The following NHS variants were observed in gnomAD, a reference collection of about 807,000 sequenced individuals.
NHS encodes actin remodeling regulator NHS.
NHS carries 5 observed loss-of-function variants against 72.5 expected under a neutral mutation model. The ratio of observed to expected loss-of-function variants is 0.07; its 90% CI spans 0.04 to 0.14. The LOEUF (loss-of-function observed/expected upper bound fraction) is 0.14. Among genes scored for constraint, NHS ranks in the 10% least tolerant of loss-of-function variants. NHS has a pLI of 1.00. For missense variants in NHS, 1,072 were observed against 1,355.7 expected (o/e 0.79, Z 3.29); for synonymous variants, 464 against 547.7 (o/e 0.85, Z 2.13).
In NHS at chrX:17,569,502, T is replaced by G. The variant is rs2065464062; in HGVS notation, c.566-118240T>G. ...TGTCTGTTCATATCCTTTGCCCATT[T>G]TTTGATGGGGTTGTTTGCTTTTTTC... On this transcript the variant is annotated intron_variant, in intron 1 of 8. Coordinates refer to ENST00000676302, the MANE Select transcript of NHS (RefSeq NM_001291867.2). 3.6e-5 allele frequency among the ~76,000 whole-genome samples: 4 copies of G among 111,984 alleles called. No homozygotes were observed. The South Asian group carries it at 1.5e-3, about 42-fold the overall frequency.
chrX:17,673,476 G>A lies in NHS; in HGVS notation c.566-14266G>A, dbSNP rs4825285. ...TTCCAGTCCTGCCTCTATGGCCCTC[G>A]AGCAAGCAACTTAACCTTTCTGTGC... is the stretch of plus-strand genomic sequence containing the variant. On this transcript the variant is annotated intron_variant, in intron 1 of 8. Coordinates refer to ENST00000676302, the MANE Select transcript of NHS (RefSeq NM_001291867.2). 7.1e-3 allele frequency among the ~76,000 whole-genome samples: 787 copies of A among 111,384 alleles called. 23 individuals carry two copies. Among genetic ancestry groups the A allele is most frequent in the Admixed American group, 0.062 (655 of 10,485 alleles).
intron 1 of NHS, among the ~76,000 whole-genome samples, chrX:17,496,042 A>C (rs889856072): frequency 1.8e-5 from 2 of 111,040 alleles, no homozygotes; most frequent in Admixed American, 1.9e-4. Flanking sequence ...CATGGTCTCT[A>C]AGAGGGAAGG....
Position 17,598,269 on chromosome X carries a change from T to C in NHS, c.566-89473T>C, listed in dbSNP as rs770677422. On this transcript the variant is annotated intron_variant, in intron 1 of 8. Coordinates refer to ENST00000676302, the MANE Select transcript of NHS (RefSeq NM_001291867.2). ...CCTCTGGACCAATGCCCGGAGCCTG[T>C]TGGGAGTCCAGACTCCAAGTCAAGA... 3.6e-5 allele frequency among the ~76,000 whole-genome samples: 4 copies of C among 111,996 alleles called. No homozygotes were observed. In the South Asian group the frequency reaches 1.5e-3, roughly 42 times the overall value.
chrX:17,662,968 C>G (rs986397298), intron 1 of NHS, among the ~76,000 whole-genome samples: 5 of 111,623 alleles, frequency 4.5e-5, no homozygotes, highest in Admixed American at 2.8e-4. Flanking sequence ...GGTGTTGACT[C>G]CCAGGAAAAT....
chrX:17,502,269 T>C (rs1187761382), intron 1 of NHS, among the ~76,000 whole-genome samples: 1 of 111,290 alleles, frequency 9.0e-6, no homozygotes, highest in Admixed American at 9.5e-5. Flanking sequence ...GGCAGTTCAT[T>C]GACTCTGCCC....
Position 17,728,738 on chromosome X carries a change from C to T in NHS, c.4312C>T (p.Pro1438Ser). The T allele has an allele frequency of 2.5e-6, 3 of 1,211,326 alleles. No homozygotes were observed. Among genetic ancestry groups the T allele is most frequent in the Non-Finnish European group, 3.4e-6 (3 of 895,329 alleles). The change falls in exon 8 of 9, where the codon CCT becomes TCT. Residue 1438 changes from proline (P) to serine (S), a missense_variant. By Grantham distance (74) the Pro-to-Ser change is moderately conservative. Coordinates refer to ENST00000676302, the MANE Select transcript of NHS (RefSeq NM_001291867.2). The stretch of plus-strand genomic sequence containing the variant: ...GGGTGTGTTCGTGTCTCCAAACAAA[C>T]CTCGAACAACTGAGGATTTATTTGC... Reference protein sequence around the residue: ...AEGVFVSPNKPRTTEDLFAVI... With the variant: ...AEGVFVSPNKSRTTEDLFAVI...
chrX:17,427,668 G>A (rs1178522979), intron 1 of NHS, among the ~76,000 whole-genome samples: 2 of 112,449 alleles, frequency 1.8e-5, no homozygotes, highest in Non-Finnish European at 3.7e-5. Flanking sequence ...CAAAGCAGAA[G>A]TACAGTTCTG....
intron 1 of NHS, among the ~76,000 whole-genome samples, chrX:17,428,155 A>C (rs1196741980): frequency 8.9e-6 from 1 of 112,554 alleles, no homozygotes; most frequent in Admixed American, 9.4e-5. Context: ...ACCTAACTGC[A>C]AAGTCATTTC....
At chrX:17,644,519 CT>C (rs2065896934) in intron 1 of NHS, among the ~76,000 whole-genome samples, 2 of 111,263 alleles carry the variant, frequency 1.8e-5, no homozygotes, top group African/African-American at 3.3e-5. Flanking sequence ...AGATATCTCC[CT>C]TTCCATAGCC....
chrX:17,617,632 G>A (rs892283089), intron 1 of NHS, among the ~76,000 whole-genome samples: 2 of 111,987 alleles, frequency 1.8e-5, no homozygotes, highest in Non-Finnish European at 3.8e-5. Context: ...AACTGTGAAA[G>A]CACTCGGTAT....
At position 17,724,029 on chromosome X, in the gene NHS, A is replaced by G. The variant is rs1297697480; in HGVS notation, c.1109-270A>G. Among the ~76,000 whole-genome samples, 5 of 111,200 alleles carry G rather than the reference A, an allele frequency of 4.5e-5. No homozygotes were observed. The South Asian group carries it at 1.5e-3, about 34-fold the overall frequency. On this transcript the variant is annotated intron_variant, in intron 5 of 8. Coordinates refer to ENST00000676302, the MANE Select transcript of NHS (RefSeq NM_001291867.2). ...TTTCTATGTGAGAGGGATTTTTTGG[A>G]TGTCTTTTTCTCTTCTCTTTCTTTT... is the stretch of plus-strand genomic sequence containing the variant.
chrX:17,599,551 C>T (rs374519186), intron 1 of NHS, among the ~76,000 whole-genome samples: 2 of 110,611 alleles, frequency 1.8e-5, no homozygotes, highest in African/African-American at 6.6e-5. Flanking sequence ...TAACATCTTA[C>T]ATTAGTATGG....
chrX:17,688,531 G>T (rs889515524), intron 2 of NHS, among the ~76,000 whole-genome samples: 2 of 111,421 alleles, frequency 1.8e-5, no homozygotes, highest in Non-Finnish European at 3.8e-5. Context: ...CCCCTAGAGG[G>T]CTCTTCTGCT....
intron 1 of NHS, among the ~76,000 whole-genome samples, chrX:17,380,270 A>G (rs954774784): frequency 9.0e-6 from 1 of 111,338 alleles, no homozygotes; most frequent in Non-Finnish European, 1.9e-5. Context: ...GTAATTAATT[A>G]GTGGCCTTGA....
chrX:17,588,384 G>A (rs1231994390), intron 1 of NHS, among the ~76,000 whole-genome samples: 2 of 111,821 alleles, frequency 1.8e-5, no homozygotes, highest in Non-Finnish European at 3.8e-5. Context: ...TTGTTGGCCA[G>A]TTGGACATCT....
chrX:17,580,051 C>G (rs2065534849), intron 1 of NHS, among the ~76,000 whole-genome samples: 1 of 110,618 alleles, frequency 9.0e-6, no homozygotes, highest in Admixed American at 9.6e-5. Context: ...TAGAATTACC[C>G]AAATCATGCA....
At chrX:17,612,201 T>C (rs1386092297) in intron 1 of NHS, among the ~76,000 whole-genome samples, 1 of 107,461 alleles carries the variant, frequency 9.3e-6, no homozygotes, top group Admixed American at 9.7e-5. Context: ...CTTTTTTTTT[T>C]TTTTGGGCAG....
intron 1 of NHS, among the ~76,000 whole-genome samples, chrX:17,437,219 A>G (rs751199203): frequency 9.9e-5 from 11 of 111,493 alleles, no homozygotes; most frequent in Non-Finnish European, 2.1e-4. Context: ...TAAGTACCAT[A>G]GGTTCAAGAG....
At chrX:17,569,434 T>C (rs2065463622) in intron 1 of NHS, among the ~76,000 whole-genome samples, 1 of 109,718 alleles carries the variant, frequency 9.1e-6, no homozygotes, top group Admixed American at 9.5e-5. Context: ...ATGAGCATTT[T>C]TTCATGTGTC....
Sources: allele counts gnomAD v4.1 joint callset (sites outside exome capture counted in the v4.1 genomes callset), GRCh38; gene constraint gnomAD v4.1.1; transcripts MANE v1.5; gene names NCBI Gene and HGNC (gene_info 2026-07-23, HGNC 2026-07-21).